MAPKAPK3: variants seen among roughly 807,000 people sequenced by gnomAD.
The protein encoded by MAPKAPK3 is MAPK activated protein kinase 3, also known as MAP kinase-activated protein kinase 3.
Under a neutral mutation model 49.2 loss-of-function variants are expected in MAPKAPK3, and 35 were observed. That is an observed-to-expected ratio of 0.71 (90% CI 0.54 to 0.94). The LOEUF (loss-of-function observed/expected upper bound fraction) is 0.94, where lower values mean the gene tolerates loss of function less well. Among genes scored for constraint, MAPKAPK3 ranks in the 40% least tolerant of loss-of-function variants. The pLI, the probability that MAPKAPK3 is intolerant of heterozygous loss-of-function variation, is 0.00. For missense variants in MAPKAPK3, 398 were observed against 493.1 expected, an observed-to-expected ratio of 0.81 and a Z score of 1.83; for synonymous variants, 178 against 188.7, an observed-to-expected ratio of 0.94 and a Z score of 0.46.
chr3:50,611,574 C>T, upstream of MAPKAPK3: 1 of 1,525,932 alleles, frequency 6.6e-7, no homozygotes. Flanking sequence ...CACGAAGCCC[C>T]TGTTCTCCCG....
intron 8 of MAPKAPK3, among the ~76,000 whole-genome samples, 160 bp from the exon 9 acceptor site, chr3:50,646,580 G>A (rs876103): frequency 0.87 from 132,540 of 152,298 alleles, 59,396 homozygotes; most frequent in Non-Finnish European, 0.99. Context: ...AACACTTAGT[G>A]TTTCAAAACA....
intron 2 of MAPKAPK3, among the ~76,000 whole-genome samples, chr3:50,622,883 A>G (rs2032644617): frequency 6.6e-6 from 1 of 152,188 alleles, no homozygotes; most frequent in African/African-American, 2.4e-5. Context: ...TGCCAAAAGG[A>G]AGATAGAACA....
chr3:50,617,656 C>T lies in MAPKAPK3; in HGVS notation c.91C>T (p.Arg31Trp). Reference sequence around the variant, plus strand: ...CGGCTTGGGCGGTGCTCCGGGGGGGCGGCGGGAGCCCAAGAAGTACGCAGT... The same window carrying T: ...CGGCTTGGGCGGTGCTCCGGGGGGGTGGCGGGAGCCCAAGAAGTACGCAGT... The part of the protein sequence containing the change: ...GPGLGGAPGG[R>W]REPKKYAVTD... Residue 31 changes from arginine to tryptophan, a missense_variant, in exon 2 of 11, where the codon CGG becomes TGG. By Grantham distance (101) the Arg-to-Trp change is moderately radical. This residue lies in a region of MAPKAPK3 where 123 missense variants were observed against 117.7 expected (regional missense o/e 1.04). Transcript: ENST00000621469. 6.2e-7 allele frequency: 1 copy of T among 1,609,550 alleles called. No individual in the cohort carries two copies.
intron 7 of MAPKAPK3, 31 bp from the exon 8 acceptor site, chr3:50,646,109 C>T (rs1324874756): frequency 6.2e-7 from 1 of 1,608,250 alleles, no homozygotes; most frequent in South Asian, 1.1e-5. Flanking sequence ...CTGCTCCCAC[C>T]CTATGCCAAA....
intron 8 of MAPKAPK3, 57 bp downstream of exon 8, chr3:50,646,321 G>A (rs961855326): frequency 5.6e-6 from 9 of 1,607,336 alleles, no homozygotes; most frequent in Admixed American, 5.2e-5. Flanking sequence ...CTTTCATTCT[G>A]GGAAACATCA....
chr3:50,622,663 A>G (rs1241387018), intron 2 of MAPKAPK3, among the ~76,000 whole-genome samples: 1 of 152,206 alleles, frequency 6.6e-6, no homozygotes, highest in Non-Finnish European at 1.5e-5. Context: ...TTCTTTGATT[A>G]CAGCTCAGAG....
upstream of MAPKAPK3, chr3:50,611,684 C>A: frequency 1.4e-6 from 2 of 1,464,782 alleles, no homozygotes; most frequent in Non-Finnish European, 1.8e-6. Context: ...GGAGTGGGGA[C>A]TCGGCTGGAC....
intron 2 of MAPKAPK3, among the ~76,000 whole-genome samples, chr3:50,628,287 C>G (rs1349992586): frequency 6.6e-6 from 1 of 152,118 alleles, no homozygotes; most frequent in Non-Finnish European, 1.5e-5. Context: ...GTGGTATGGC[C>G]CTTTGTTACC....
chr3:50,632,649 T>C (rs1036359560), intron 2 of MAPKAPK3, among the ~76,000 whole-genome samples: 1 of 152,242 alleles, frequency 6.6e-6, no homozygotes, highest in African/African-American at 2.4e-5. Context: ...TATTACTGCC[T>C]CGTTGATGGG....
At chr3:50,626,075 C>T (rs2032730839) in intron 2 of MAPKAPK3, among the ~76,000 whole-genome samples, 1 of 41,012 alleles carries the variant, frequency 2.4e-5, no homozygotes, top group African/African-American at 5.8e-5. Context: ...AGGAGGTCCC[C>T]CGCCACCCCC....
At chr3:50,641,794 G>T (rs778148724) in intron 4 of MAPKAPK3, 23 bp downstream of exon 4, 1 of 1,609,322 alleles carries the variant, frequency 6.2e-7, no homozygotes, top group Non-Finnish European at 8.5e-7. Flanking sequence ...AGCTGGACCA[G>T]CAGGAGGATT....
At chr3:50,626,559 A>G (rs1023941971) in intron 2 of MAPKAPK3, among the ~76,000 whole-genome samples, 5 of 152,146 alleles carry the variant, frequency 3.3e-5, no homozygotes, top group African/African-American at 9.7e-5. Context: ...ACAGATGCTC[A>G]CCCAACATTA....
intron 2 of MAPKAPK3, among the ~76,000 whole-genome samples, chr3:50,619,175 A>G (rs984604091): frequency 6.6e-6 from 1 of 152,212 alleles, no homozygotes; most frequent in Non-Finnish European, 1.5e-5. Context: ...CATTTAAAGC[A>G]CTTGGTACAG....
intron 2 of MAPKAPK3, among the ~76,000 whole-genome samples, chr3:50,619,516 G>A (rs1390920812): frequency 6.6e-6 from 1 of 152,164 alleles, no homozygotes; most frequent in Non-Finnish European, 1.5e-5. Context: ...GCAGACGGGG[G>A]TAAGAGGATG....
intron 5 of MAPKAPK3, among the ~76,000 whole-genome samples, chr3:50,642,713 C>T (rs573079013): frequency 6.6e-6 from 1 of 152,338 alleles, no homozygotes; most frequent in South Asian, 2.1e-4. Context: ...AAGTGACTTG[C>T]CCAGGGGCTG....
At chr3:50,617,434 G>T in intron 1 of MAPKAPK3, 80 bp from the exon 2 acceptor site, 1 of 607,634 alleles carries the variant, frequency 1.6e-6, no homozygotes. Context: ...CGGGCTCGCA[G>T]CCCAGCCCAG....
intron 2 of MAPKAPK3, among the ~76,000 whole-genome samples, chr3:50,636,908 C>A (rs1276156877): frequency 6.6e-6 from 1 of 152,088 alleles, no homozygotes; most frequent in African/African-American, 2.4e-5. Flanking sequence ...TGCAGAGAGG[C>A]CAGTGGGGCG....
chr3:50,631,542 G>C (rs1378730341), intron 2 of MAPKAPK3, among the ~76,000 whole-genome samples: 1 of 152,206 alleles, frequency 6.6e-6, no homozygotes, highest in Non-Finnish European at 1.5e-5. Flanking sequence ...TGTGTTAATA[G>C]CCCACACAGG....
chr3:50,645,019 C>G (rs1033270173), intron 6 of MAPKAPK3, among the ~76,000 whole-genome samples: 4 of 152,064 alleles, frequency 2.6e-5, no homozygotes, highest in African/African-American at 9.7e-5. Context: ...GTTCACTGCC[C>G]TTCTGCAAGT....
Sources: gnomAD v4.1 joint callset for allele counts (sites outside exome capture counted in the v4.1 genomes callset) on GRCh38, gnomAD v4.1.1 for gene constraint, gnomAD v4.1.1 regional missense constraint, MANE v1.5 for transcripts, NCBI Gene and HGNC (gene_info 2026-07-23, HGNC 2026-07-21) for gene names.